Variants in HNRNPM observed in about 807,000 individuals in gnomAD.
HNRNPM encodes the protein CEA receptor.
Under a neutral mutation model 73.1 loss-of-function variants are expected in HNRNPM, and 11 were observed. The observed-to-expected ratio is 0.15, with a 90% CI of 0.09 to 0.25. The LOEUF (loss-of-function observed/expected upper bound fraction) is 0.25, where lower values mean the gene tolerates loss of function less well. Among genes scored for constraint, HNRNPM ranks in the 10% least tolerant of loss-of-function variants. The pLI, the probability that HNRNPM is intolerant of heterozygous loss-of-function variation, is 1.00. For synonymous variants in HNRNPM, 407 were observed against 355.2 expected (o/e 1.15, Z -1.64); for missense variants, 789 against 1,067.9 (o/e 0.74, Z 3.64).
chr19:8,484,045 G>T (rs1599851676), intron 13 of HNRNPM, among the ~76,000 whole-genome samples: 1 of 152,122 alleles, frequency 6.6e-6, no homozygotes, highest in African/African-American at 2.4e-5. Flanking sequence ...ACAGATGTGA[G>T]CCACCACACC....
At chr19:8,452,814 G>C (rs1406796523) in intron 1 of HNRNPM, among the ~76,000 whole-genome samples, 1 of 152,154 alleles carries the variant, frequency 6.6e-6, no homozygotes, top group Non-Finnish European at 1.5e-5. Context: ...ACTACACAAA[G>C]TTGCTGACTT....
At chr19:8,466,149 C>A (rs1365391271) in intron 6 of HNRNPM, 86 bp from the exon 7 acceptor site, 43 of 1,314,348 alleles carry the variant, frequency 3.3e-5, no homozygotes, top group Non-Finnish European at 4.2e-5. Flanking sequence ...TTTTTCCAAC[C>A]AAAGCATGTA....
chr19:8,481,208 A>G (rs1240320693), intron 12 of HNRNPM, among the ~76,000 whole-genome samples: 1 of 152,176 alleles, frequency 6.6e-6, no homozygotes, highest in Non-Finnish European at 1.5e-5. Flanking sequence ...TTTGGCCTTC[A>G]AGGATGAGGT....
chr19:8,487,237 T>C, intron 15 of HNRNPM, 162 bp downstream of exon 15: 1 of 693,028 alleles, frequency 1.4e-6, no homozygotes. Flanking sequence ...TTGAGTGTCC[T>C]GTGATGTGTC....
chr19:8,466,828 CAAAAAAAAAAAAAA>C (rs61362863), intron 7 of HNRNPM, among the ~76,000 whole-genome samples: 23 of 56,496 alleles, frequency 4.1e-4, no homozygotes, highest in African/African-American at 9.7e-4. Flanking sequence ...GACTCAGTCT[CAAAAAAAAAAAAAA>C]AAAAAAAAAA....
At chr19:8,468,021 T>C (rs11259988) in intron 8 of HNRNPM, among the ~76,000 whole-genome samples, 132,573 of 152,076 alleles carry the variant, frequency 0.87, 59,918 homozygotes, top group South Asian at 0.99. Context: ...AGTGAGACTC[T>C]GTCTCAAGAA....
chr19:8,455,173 G>T (rs752188439), intron 1 of HNRNPM, among the ~76,000 whole-genome samples: 1 of 151,958 alleles, frequency 6.6e-6, no homozygotes, highest in South Asian at 2.1e-4. Context: ...TTTTGACAGG[G>T]TCTTGCTATG....
intron 12 of HNRNPM, among the ~76,000 whole-genome samples, chr19:8,481,292 G>A (rs867938895): frequency 8.5e-5 from 13 of 152,346 alleles, no homozygotes; most frequent in South Asian, 2.1e-4. Flanking sequence ...TAGTGAGGAC[G>A]CTGGTGGAGA....
intron 13 of HNRNPM, among the ~76,000 whole-genome samples, chr19:8,484,984 C>T (rs1450523041): frequency 6.6e-6 from 1 of 151,654 alleles, no homozygotes; most frequent in African/African-American, 2.4e-5. Context: ...ATAGGGTCCC[C>T]AAAAGTGGCC....
intron 1 of HNRNPM, among the ~76,000 whole-genome samples, chr19:8,446,501 C>T (rs1968197180): frequency 6.6e-6 from 1 of 152,168 alleles, no homozygotes; most frequent in African/African-American, 2.4e-5. Flanking sequence ...CCTCGAACTC[C>T]TGGGCTCAAT....
At chr19:8,485,208 G>C (rs1971189221) in intron 13 of HNRNPM, among the ~76,000 whole-genome samples, 1 of 152,028 alleles carries the variant, frequency 6.6e-6, no homozygotes, top group Admixed American at 6.5e-5. Flanking sequence ...CATTACCCTG[G>C]GTGGCCCCCC....
At chr19:8,477,673 AAAAAAAAAAAAAAAAAAAAAGAACCTTAC>A (rs1394125117) in intron 12 of HNRNPM, among the ~76,000 whole-genome samples, 231 of 12,678 alleles carry the variant, frequency 0.018, 2 homozygotes, top group African/African-American at 0.034. Context: ...AAAAAAAAAA[AAAAAAAAAAAAAAAAAAAAAGAACCTTAC>A]AAAATATGAG....
chr19:8,463,848 C>T (rs539672622), intron 5 of HNRNPM, 162 bp downstream of exon 5: 1 of 588,982 alleles, frequency 1.7e-6, no homozygotes, highest in East Asian at 2.8e-5. Flanking sequence ...GCAGCCATTC[C>T]CTGCAAGGAC....
Position 8,486,406 on chromosome 19 carries a change from G to GT in HNRNPM, c.1977+2dup. The GT allele has an allele frequency of 6.4e-7, 1 of 1,557,342 alleles. No homozygotes were observed. The highest frequency in any genetic ancestry group is 8.6e-7 in the Non-Finnish European group (1 of 1,158,686). Reference sequence around the variant, plus strand: ...GGCCTGCCAGATATTTGTGAGAAATGTAAGTGGCTCTTGGGGAACTTCTTG... The same window carrying GT: ...GGCCTGCCAGATATTTGTGAGAAATGTTAAGTGGCTCTTGGGGAACTTCTTG... On this transcript the variant is annotated splice_donor_variant, in intron 14 of 15. Coordinates refer to ENST00000325495, the MANE Select transcript of HNRNPM (RefSeq NM_005968.5). LOFTEE classifies it high-confidence loss of function.
intron 15 of HNRNPM, chr19:8,487,501 G>T: frequency 5.1e-6 from 1 of 195,534 alleles, no homozygotes; most frequent in South Asian, 7.2e-5. Context: ...GCAGGCTCTG[G>T]GCACACAGCA....
chr19:8,471,449 G>T, intron 10 of HNRNPM, 22 bp downstream of exon 10: 3 of 1,452,514 alleles, frequency 2.1e-6, no homozygotes, highest in South Asian at 2.5e-5. Flanking sequence ...AGTGCACCTT[G>T]CTTGGTGGTT....
At position 8,486,210 on chromosome 19, in the gene HNRNPM, T is replaced by C. The variant is rs2230647; in HGVS notation, c.1782T>C (p.Pro594=). The part of the protein sequence containing the change: ...MGANSLERMG[P]AMGPALGAGI... Reference sequence around the variant, plus strand: ...CCAACAGCCTCGAGCGCATGGGCCCTGCCATGGGCCCGGCCCTGGGCGCTG... The same window carrying C: ...CCAACAGCCTCGAGCGCATGGGCCCCGCCATGGGCCCGGCCCTGGGCGCTG... Residue 594 remains proline (P), a synonymous_variant, in exon 14 of 16, where the codon CCT becomes CCC. Transcript: ENST00000325495. The C allele has an allele frequency of 0.96, 1,539,729 of 1,604,140 alleles. 744,484 individuals carry two copies. Among genetic ancestry groups the C allele is most frequent in the East Asian group, 0.99 (44,422 of 44,808 alleles).
chr19:8,469,909 T>C (rs781349661), intron 9 of HNRNPM, among the ~76,000 whole-genome samples: 1 of 152,224 alleles, frequency 6.6e-6, no homozygotes, highest in African/African-American at 2.4e-5. Flanking sequence ...AGATGTATCT[T>C]GAAGGGAAAT....
At chr19:8,467,925 G>A (rs2145679640) in intron 8 of HNRNPM, among the ~76,000 whole-genome samples, 1 of 152,254 alleles carries the variant, frequency 6.6e-6, no homozygotes, top group South Asian at 2.1e-4. Flanking sequence ...TACTCGGGAG[G>A]CTGAGGCAGG....
Sources: gnomAD v4.1 joint callset for allele counts (sites outside exome capture counted in the v4.1 genomes callset) on GRCh38, gnomAD v4.1.1 for gene constraint, MANE v1.5 for transcripts, NCBI Gene and HGNC (gene_info 2026-07-23, HGNC 2026-07-21) for gene names.